Variants in TRIM2 observed in about 807,000 individuals in gnomAD.
TRIM2 encodes tripartite motif containing 2, also known as tripartite motif-containing protein 2.
Under a neutral mutation model 75.2 loss-of-function variants are expected in TRIM2, and 20 were observed. That is an observed-to-expected ratio of 0.27 (90% CI 0.19 to 0.39). The LOEUF is 0.39. TRIM2 is among the 10% of genes least tolerant of loss of function. TRIM2 has a pLI of 1.00. For synonymous variants in TRIM2, 373 were observed against 388.3 expected (o/e 0.96, Z 0.46); for missense variants, 660 against 990.8 (o/e 0.67, Z 4.48).
At chr4:153,247,151 C>T (rs1578937898) in intron 1 of TRIM2, among the ~76,000 whole-genome samples, 1 of 152,118 alleles carries the variant, frequency 6.6e-6, no homozygotes, top group Non-Finnish European at 1.5e-5. Context: ...TTCCACAGGC[C>T]GCTGACCAGC....
chr4:153,334,856 T>A lies in TRIM2; in HGVS notation c.2206T>A (p.Ser736Thr). The change falls in exon 12 of 12, where the codon TCT (serine) becomes ACT (threonine). Residue 736 changes from serine (S) to threonine (T), a missense_variant. Around this residue, in one of 2 missense-constraint regions of TRIM2, gnomAD observed 40 missense variants for 99.8 expected, o/e 0.40. Coordinates refer to ENST00000338700, the MANE Select transcript of TRIM2 (RefSeq NM_015271.5). ...ATCATTTTTGTCCTACATTAACACA[T>A]CTGCTGACCCACTCTATGGCCCCCA... ...SGSFLSYINT[S>T]ADPLYGPQGL... 1 of 1,614,030 alleles carries A rather than the reference T, an allele frequency of 6.2e-7. No homozygotes were observed. The highest frequency in any genetic ancestry group is 8.5e-7 in the Non-Finnish European group (1 of 1,179,922).
upstream of TRIM2, among the ~76,000 whole-genome samples, chr4:153,203,450 C>A (rs1449850630): frequency 6.6e-6 from 1 of 151,470 alleles, no homozygotes; most frequent in East Asian, 1.9e-4. Flanking sequence ...AACATAAACA[C>A]ATCAAATGTG....
At chr4:153,226,292 G>A (rs570415536) in intron 1 of TRIM2, among the ~76,000 whole-genome samples, 1 of 152,242 alleles carries the variant, frequency 6.6e-6, no homozygotes, top group Admixed American at 6.5e-5. Flanking sequence ...TATGCAGAAG[G>A]GCTGGCCCAA....
chr4:153,255,482 TGAG>T (rs1467080875), intron 1 of TRIM2, among the ~76,000 whole-genome samples: 1 of 152,144 alleles, frequency 6.6e-6, no homozygotes, highest in East Asian at 1.9e-4. Context: ...AGTAGCAGAA[TGAG>T]AAGAAGAAAG....
At chr4:153,264,491 G>C (rs943133647) in intron 1 of TRIM2, among the ~76,000 whole-genome samples, 1 of 152,092 alleles carries the variant, frequency 6.6e-6, no homozygotes, top group Non-Finnish European at 1.5e-5. Context: ...TCATTATAGT[G>C]CACTGACTTC....
chr4:153,305,750 C>G (rs1486192568), intron 6 of TRIM2, among the ~76,000 whole-genome samples: 1 of 152,236 alleles, frequency 6.6e-6, no homozygotes, highest in Non-Finnish European at 1.5e-5. Context: ...TCTGCCCTCA[C>G]AACACAATAA....
In TRIM2 at chr4:153,204,455, A is replaced by G. The variant is rs2149685590; in HGVS notation, c.-76A>G. On this transcript the variant is annotated 5_prime_UTR_variant, in exon 1 of 12. Coordinates refer to ENST00000338700, the MANE Select transcript of TRIM2 (RefSeq NM_015271.5). ...CACCCTTTAACTCGGCAGCTTGATG[A>G]CTATAATGGGCCCAGTTGTCTGCGG... 13 of 1,521,626 alleles carry G rather than the reference A, an allele frequency of 8.5e-6. No homozygotes were observed. In the South Asian group the frequency reaches 1.6e-4, roughly 18 times the overall value. 94.3% of individuals were successfully genotyped at this position (1,521,626 alleles called of 1,614,324 possible). A position where few individuals can be genotyped will look rare whatever the true frequency, so the allele number is the denominator to read the frequency against.
At chr4:153,162,760 T>C (rs35343035) in intron 1 of TRIM2, among the ~76,000 whole-genome samples, 67,752 of 151,982 alleles carry the variant, frequency 0.45, 16,198 homozygotes, top group Non-Finnish European at 0.55. Context: ...CCTTGAGTTA[T>C]ACCACACCTC....
At chr4:153,228,181 A>G (rs540232051) in intron 1 of TRIM2, among the ~76,000 whole-genome samples, 9 of 152,300 alleles carry the variant, frequency 5.9e-5, no homozygotes, top group African/African-American at 2.2e-4. Context: ...ACCCTTGTCA[A>G]CTGTGTGGAT....
intron 1 of TRIM2, among the ~76,000 whole-genome samples, chr4:153,225,533 A>G (rs1741878006): frequency 6.6e-6 from 1 of 152,232 alleles, no homozygotes; most frequent in African/African-American, 2.4e-5. Context: ...CTGACCTGTT[A>G]GTTGGCATGT....
intron 1 of TRIM2, among the ~76,000 whole-genome samples, chr4:153,164,193 C>T (rs538249377): frequency 4.6e-5 from 7 of 152,236 alleles, no homozygotes; most frequent in East Asian, 3.9e-4. Flanking sequence ...AGCTGAAGTA[C>T]AGTTGTGCAG....
chr4:153,237,537 G>A (rs116134779), intron 1 of TRIM2, among the ~76,000 whole-genome samples: 1,762 of 152,182 alleles, frequency 0.012, 23 homozygotes, highest in Admixed American at 0.026. Context: ...AAAATTAGCC[G>A]AGGGTGGTGG....
At chr4:153,225,021 G>A (rs1741727841) in intron 1 of TRIM2, among the ~76,000 whole-genome samples, 1 of 152,170 alleles carries the variant, frequency 6.6e-6, no homozygotes, top group African/African-American at 2.4e-5. Context: ...TTTCTGAGCA[G>A]CAGTTACTCA....
At chr4:153,317,655 G>GA (rs11316229) in intron 8 of TRIM2, among the ~76,000 whole-genome samples, 2,690 of 130,260 alleles carry the variant, frequency 0.021, 81 homozygotes, top group African/African-American at 0.068. Flanking sequence ...GTCTCAAAAA[G>GA]AAAAAAAAAA....
At chr4:153,209,002 G>A (rs571388263) in intron 1 of TRIM2, among the ~76,000 whole-genome samples, 1 of 152,262 alleles carries the variant, frequency 6.6e-6, no homozygotes, top group Non-Finnish European at 1.5e-5. Context: ...TTCTTCCTAA[G>A]ATTTGACAAG....
intron 1 of TRIM2, among the ~76,000 whole-genome samples, chr4:153,227,279 C>T (rs867302033): frequency 2.6e-5 from 4 of 152,160 alleles, no homozygotes; most frequent in African/African-American, 4.8e-5. Context: ...GTTCAGTGCA[C>T]GGTTCTATTC....
chr4:153,316,054 C>G (rs969648876), intron 8 of TRIM2, 55 bp downstream of exon 8: 112 of 1,470,770 alleles, frequency 7.6e-5, no homozygotes, highest in Middle Eastern at 1.8e-4. Context: ...ACAGGAAATA[C>G]AAAATGAAAT....
chr4:153,238,508 C>G (rs1378734186), intron 1 of TRIM2, among the ~76,000 whole-genome samples: 4 of 151,996 alleles, frequency 2.6e-5, no homozygotes, highest in Admixed American at 2.6e-4. Context: ...TGGGAAGCAT[C>G]GTATGAATCT....
At chr4:153,241,838 C>T (rs934237303) in intron 1 of TRIM2, among the ~76,000 whole-genome samples, 3 of 152,082 alleles carry the variant, frequency 2.0e-5, no homozygotes, top group East Asian at 1.9e-4. Context: ...ACACGTATGC[C>T]GGATAAAGGT....
Sources: gnomAD v4.1 joint callset for allele counts (sites outside exome capture counted in the v4.1 genomes callset) on GRCh38, gnomAD v4.1.1 for gene constraint, gnomAD v4.1.1 regional missense constraint, MANE v1.5 for transcripts, NCBI Gene and HGNC (gene_info 2026-07-23, HGNC 2026-07-21) for gene names.